Variants in CBLB observed in about 807,000 individuals in gnomAD.
CBLB encodes the protein E3 ubiquitin-protein ligase CBL-B.
Under a neutral mutation model 104.9 loss-of-function variants are expected in CBLB, and 31 were observed. That is an observed-to-expected ratio of 0.30 (90% CI 0.22 to 0.40). CBLB has a LOEUF of 0.40. Ranked by LOEUF, CBLB falls within the 10% of genes least tolerant of loss-of-function variation. The pLI is 1.00. For synonymous variants in CBLB, 440 were observed against 422.6 expected (o/e 1.04, Z -0.51); for missense variants, 1,062 against 1,214.6 (o/e 0.87, Z 1.87).
chr3:105,767,612 T>G lies in CBLB; in HGVS notation c.566+8784A>C, dbSNP rs186260443. Among the ~76,000 whole-genome samples, 418 of 150,124 alleles carry G rather than the reference T, an allele frequency of 2.8e-3. 2 individuals carry two copies. Among genetic ancestry groups the G allele is most frequent in the Non-Finnish European group, 5.2e-3 (353 of 67,690 alleles). On this transcript the variant is annotated intron_variant, in intron 4 of 18. Coordinates refer to ENST00000394030, the MANE Select transcript of CBLB (RefSeq NM_170662.5). ...GCTACAGAGTATGAAACTTCCATCA[T>G]ACAAAGTCAAATGTAAATTACATTA... is the stretch of plus-strand genomic sequence containing the variant.
chr3:105,701,445 G>T (rs964981933), intron 12 of CBLB, among the ~76,000 whole-genome samples: 9 of 152,128 alleles, frequency 5.9e-5, no homozygotes, highest in Admixed American at 5.2e-4. Context: ...GTAAAAATTG[G>T]ATGGAACTAA....
intron 8 of CBLB, among the ~76,000 whole-genome samples, chr3:105,735,477 T>C (rs1487944400): frequency 6.6e-6 from 1 of 152,162 alleles, no homozygotes; most frequent in Non-Finnish European, 1.5e-5. Context: ...CAGATCTCAA[T>C]GCAACCTAAA....
chr3:105,729,920 G>T (rs539852891), intron 9 of CBLB, among the ~76,000 whole-genome samples: 1 of 152,090 alleles, frequency 6.6e-6, no homozygotes, highest in Non-Finnish European at 1.5e-5. Flanking sequence ...AAACAGATAC[G>T]CTAGTTGGCA....
chr3:105,758,677 A>C (rs2077302815), intron 4 of CBLB, among the ~76,000 whole-genome samples: 1 of 152,248 alleles, frequency 6.6e-6, no homozygotes, highest in African/African-American at 2.4e-5. Context: ...AGCCAAGCAC[A>C]CTGGCTGCTG....
At chr3:105,704,601 G>A (rs1306944522) in intron 10 of CBLB, among the ~76,000 whole-genome samples, 2 of 151,922 alleles carry the variant, frequency 1.3e-5, no homozygotes, top group African/African-American at 4.8e-5. Context: ...TTCCAAACAT[G>A]TATCTTGTAT....
At position 105,659,057 on chromosome 3, in the gene CBLB, C is replaced by A; in HGVS notation, c.2862G>T (p.Glu954Asp). The stretch of plus-strand genomic sequence containing the variant: ...CAACTTCGACATTATTCTGGGCTAT[C>A]TCTAAGGCTCTCTTCACCTCTTCAA... The part of the protein sequence containing the change: ...YAFEEVKRAL[E>D]IAQNNVEVAR... The change falls in exon 19 of 19, where the codon GAG (glutamate) becomes GAT (aspartate). Residue 954 changes from glutamate to aspartate, a missense_variant. Glu to Asp is a conservative substitution (Grantham distance 45). This residue lies in a region of CBLB where 605 missense variants were observed against 582.6 expected (regional missense o/e 1.04). Coordinates refer to ENST00000394030, the MANE Select transcript of CBLB (RefSeq NM_170662.5). 1 of 1,614,056 alleles carries A rather than the reference C, an allele frequency of 6.2e-7. No homozygotes were observed. The highest frequency in any genetic ancestry group is 8.5e-7 in the Non-Finnish European group (1 of 1,179,952).
intron 3 of CBLB, among the ~76,000 whole-genome samples, chr3:105,809,214 C>G (rs2083930005): frequency 6.6e-6 from 1 of 152,160 alleles, no homozygotes; most frequent in African/African-American, 2.4e-5. Context: ...ATAATAACAT[C>G]AGAAGTAGTT....
At chr3:105,737,062 T>C in intron 8 of CBLB, 109 bp downstream of exon 8, 1 of 492,408 alleles carries the variant, frequency 2.0e-6, no homozygotes, top group East Asian at 3.0e-5. Context: ...TTAAGTATAT[T>C]TTGTATTAAA....
At chr3:105,751,713 A>AT in intron 4 of CBLB, 95 bp from the exon 5 acceptor site, 1 of 895,390 alleles carries the variant, frequency 1.1e-6, no homozygotes, top group Non-Finnish European at 1.8e-6. Context: ...TAAAATTAAT[A>AT]TAATTGTATT....
At chr3:105,762,693 TGGA>T (rs1272959610) in intron 4 of CBLB, among the ~76,000 whole-genome samples, 3 of 152,224 alleles carry the variant, frequency 2.0e-5, no homozygotes, top group African/African-American at 4.8e-5. Context: ...AGGGCTCTTG[TGGA>T]GGTAGACATC....
At position 105,700,229 on chromosome 3, in the gene CBLB, C is replaced by T. The variant is rs539894448; in HGVS notation, c.1959+1865G>A. Among the ~76,000 whole-genome samples the T allele has an allele frequency of 6.6e-5, 10 of 152,060 alleles. No individual in the cohort carries two copies. The South Asian group carries it at 1.9e-3, about 28-fold the overall frequency. On this transcript the variant is annotated intron_variant, in intron 12 of 18. Transcript: ENST00000394030. ...CATAAAAAAATTAACAGCCAGTTTT[C>T]TAGAGCTTAGGAGGGCAAATTTATA...
chr3:105,851,841 G>A (rs1306653071), intron 3 of CBLB, among the ~76,000 whole-genome samples: 1 of 152,116 alleles, frequency 6.6e-6, no homozygotes, highest in Non-Finnish European at 1.5e-5. Context: ...CTGCATTTAT[G>A]TTAGTGCTTT....
chr3:105,770,816 G>A (rs866460562), intron 4 of CBLB, among the ~76,000 whole-genome samples: 2 of 152,172 alleles, frequency 1.3e-5, no homozygotes, highest in South Asian at 4.1e-4. Context: ...CACTGTGGGA[G>A]TGAGATCAGC....
intron 12 of CBLB, among the ~76,000 whole-genome samples, chr3:105,698,584 C>T (rs980171600): frequency 2.4e-5 from 3 of 127,378 alleles, no homozygotes; most frequent in African/African-American, 6.1e-5. Context: ...TAAACCTAAG[C>T]GGCAGTTTTT....
At chr3:105,736,060 G>T (rs1387810702) in intron 8 of CBLB, among the ~76,000 whole-genome samples, 2 of 152,078 alleles carry the variant, frequency 1.3e-5, no homozygotes, top group African/African-American at 4.8e-5. Context: ...AGGAAATCTG[G>T]AGAATTATAA....
At chr3:105,821,139 C>A (rs1390480458) in intron 3 of CBLB, among the ~76,000 whole-genome samples, 1 of 152,058 alleles carries the variant, frequency 6.6e-6, no homozygotes, top group East Asian at 1.9e-4. Context: ...GAAAATTGAT[C>A]CATGTACTTG....
At chr3:105,857,536 A>T (rs540826640) in intron 2 of CBLB, among the ~76,000 whole-genome samples, 31 of 152,348 alleles carry the variant, frequency 2.0e-4, no homozygotes, top group Middle Eastern at 6.8e-3. Context: ...AACTAGAAAG[A>T]TTAAGGGACC....
In CBLB at chr3:105,703,970, C is replaced by T. The variant is rs773617376; in HGVS notation, c.1593+18G>A. 2.5e-6 allele frequency: 4 copies of T among 1,608,196 alleles called. No homozygotes were observed. In the South Asian group the frequency reaches 3.3e-5, roughly 13 times the overall value. ...TCTTACAAAATTTTCATCTGTGTTT[C>T]TAATAAAATTGATCTACCTTTGGTG... On this transcript the variant is annotated intron_variant, in intron 11 of 18. Transcript: ENST00000394030.
chr3:105,758,971 A>C (rs1040688632), intron 4 of CBLB, among the ~76,000 whole-genome samples: 1 of 152,230 alleles, frequency 6.6e-6, no homozygotes, highest in African/African-American at 2.4e-5. Flanking sequence ...GAGGGTGGGC[A>C]CATTTCAGCC....
Sources: allele counts gnomAD v4.1 joint callset (sites outside exome capture counted in the v4.1 genomes callset), GRCh38; gene constraint gnomAD v4.1.1; regional missense constraint gnomAD v4.1.1; transcripts MANE v1.5; gene names NCBI Gene and HGNC (gene_info 2026-07-23, HGNC 2026-07-21).